Variants in VAV2 observed in about 807,000 individuals in gnomAD.
VAV2 encodes the protein guanine nucleotide exchange factor VAV2.
A neutral mutation model predicts 132.5 loss-of-function variants in VAV2; 67 were observed. The observed-to-expected ratio is 0.51, with a 90% CI of 0.42 to 0.62. The LOEUF is 0.62. Ranked by LOEUF, VAV2 falls within the 20% of genes least tolerant of loss-of-function variation. The probability of loss-of-function intolerance (pLI) is 0.00; values close to 1 mark genes in which losing one functional copy is unlikely to be tolerated. For missense variants in VAV2, 938 were observed against 1,153.6 expected, an observed-to-expected ratio of 0.81 and a Z score of 2.71; for synonymous variants, 492 against 443.5, an observed-to-expected ratio of 1.11 and a Z score of -1.37.
At chr9:133,982,211 G>A (rs1386048172) in intron 1 of VAV2, among the ~76,000 whole-genome samples, 1 of 152,210 alleles carries the variant, frequency 6.6e-6, no homozygotes, top group Admixed American at 6.5e-5. Flanking sequence ...ACAGGAAGGT[G>A]GCCAGTGTGC....
chr9:133,957,783 G>A (rs1841833418), intron 1 of VAV2, among the ~76,000 whole-genome samples: 1 of 152,180 alleles, frequency 6.6e-6, no homozygotes, highest in Non-Finnish European at 1.5e-5. Flanking sequence ...GGTGGAGTGT[G>A]GGGAAAAGCA....
At chr9:133,908,259 G>A (rs980015484) in intron 2 of VAV2, among the ~76,000 whole-genome samples, 4 of 152,116 alleles carry the variant, frequency 2.6e-5, no homozygotes, top group East Asian at 1.9e-4. Flanking sequence ...GGAGATGGGC[G>A]GAGATGGGGT....
intron 2 of VAV2, among the ~76,000 whole-genome samples, chr9:133,868,478 G>C (rs1437227966): frequency 6.6e-6 from 1 of 152,224 alleles, no homozygotes; most frequent in Non-Finnish European, 1.5e-5. Flanking sequence ...TACCCGTGTG[G>C]CTGTAGGTGA....
rs781331421 is a variant in VAV2, at chr9:133,834,553, T to C, written c.381-213A>G. 2.0e-5 allele frequency among the ~76,000 whole-genome samples: 3 copies of C among 152,226 alleles called. No individual in the cohort carries two copies. The South Asian group carries it at 6.2e-4, about 32-fold the overall frequency. ...AGGGCAAGAGGAGACCCATGCCTAC[T>C]TGCCAGGGGGCAAGGAATGTGTCAC... On this transcript the variant is annotated intron_variant, in intron 3 of 29. Transcript: ENST00000371850. The surrounding 1 kb of genome is among the most constrained non-coding windows in gnomAD (Gnocchi z 5.9).
intron 20 of VAV2, 183 bp from the exon 21 acceptor site, chr9:133,780,122 C>T (rs1833956591): frequency 7.1e-6 from 5 of 706,580 alleles, no homozygotes; most frequent in African/African-American, 1.8e-5. Context: ...ATATATTTCA[C>T]CTCTGTGCAC....
At chr9:133,809,161 A>G in intron 6 of VAV2, 23 bp from the exon 7 acceptor site, 1 of 1,609,462 alleles carries the variant, frequency 6.2e-7, no homozygotes, top group Non-Finnish European at 8.5e-7. Context: ...AGGGGGAGTC[A>G]GCAGGACCCC....
chr9:133,937,169 A>C (rs2519808), intron 2 of VAV2, among the ~76,000 whole-genome samples: 1 of 152,148 alleles, frequency 6.6e-6, no homozygotes, highest in Admixed American at 6.5e-5. Flanking sequence ...ATACCAGTTG[A>C]GTGTCTAAGT....
Position 133,935,648 on chromosome 9 carries a change from C to T in VAV2, c.321+3455G>A, listed in dbSNP as rs1462184087. On this transcript the variant is annotated intron_variant, in intron 2 of 29. Coordinates refer to ENST00000371850, the MANE Select transcript of VAV2 (RefSeq NM_001134398.2). This position sits in a 1 kb window ranked among gnomAD's most constrained non-coding sequence, Gnocchi z 5.2. ...CCAGGAGGCGCTGGCAGAGCAGAAC[C>T]GTCAGGCTCCAGACCGTGGTGAACG... Among the ~76,000 whole-genome samples, 2 of 152,200 alleles carry T rather than the reference C, an allele frequency of 1.3e-5. No individual in the cohort carries two copies. Among genetic ancestry groups the T allele is most frequent in the African/African-American group, 2.4e-5 (1 of 41,452 alleles).
At chr9:133,867,435 C>T (rs899273434) in intron 2 of VAV2, among the ~76,000 whole-genome samples, 3 of 152,220 alleles carry the variant, frequency 2.0e-5, no homozygotes, top group Admixed American at 1.3e-4. Flanking sequence ...GGGAAGGGTG[C>T]CACGTGCTCT....
Position 133,885,720 on chromosome 9 carries a change from GCC to G in VAV2, c.322-24290_322-24289del, listed in dbSNP as rs1268355095. On this transcript the variant is annotated intron_variant, in intron 2 of 29. Transcript: ENST00000371850. The surrounding 1 kb of genome is among the most constrained non-coding windows in gnomAD (Gnocchi z 5.0). ...TGGCCTCACCAGGTGATGCTCAGCT[GCC>G]CCAAGATGGAGGTGGGCACACGCTC... is the stretch of plus-strand genomic sequence containing the variant. 6.6e-6 allele frequency among the ~76,000 whole-genome samples: 1 copy of G among 152,162 alleles called. No individual in the cohort carries two copies. Among genetic ancestry groups the G allele is most frequent in the Non-Finnish European group, 1.5e-5 (1 of 68,036 alleles).
At chr9:133,845,923 G>A (rs940709045) in intron 3 of VAV2, among the ~76,000 whole-genome samples, 4 of 152,192 alleles carry the variant, frequency 2.6e-5, no homozygotes, top group African/African-American at 7.2e-5. Context: ...AGGACAGCCT[G>A]GTCAAGCTGC....
chr9:133,874,348 C>T (rs925435891), intron 2 of VAV2, among the ~76,000 whole-genome samples: 3 of 152,174 alleles, frequency 2.0e-5, no homozygotes, highest in African/African-American at 7.2e-5. Flanking sequence ...GCTGCTGTGG[C>T]TGCAGGAGCC....
rs574198416 is a variant in VAV2, at chr9:133,794,112, G to A, written c.1101+1556C>T. 1.1e-4 allele frequency among the ~76,000 whole-genome samples: 17 copies of A among 152,128 alleles called. No homozygotes were observed. The highest frequency in any genetic ancestry group is 4.2e-4 in the South Asian group (2 of 4,814). On this transcript the variant is annotated intron_variant, in intron 12 of 29. Transcript: ENST00000371850. This position sits in a 1 kb window ranked among gnomAD's most constrained non-coding sequence, Gnocchi z 4.6. ...ACACCGAGTGCTGAGAGTATGAAAC[G>A]CAAGACCACACTCAGGGCCCGGGTG...
At chr9:133,784,870 TGGCTG>T (rs1287947928) in intron 17 of VAV2, among the ~76,000 whole-genome samples, 1 of 152,078 alleles carries the variant, frequency 6.6e-6, no homozygotes, top group Non-Finnish European at 1.5e-5. Context: ...CGCTGTTGGA[TGGCTG>T]GGGTGGGGTG....
chr9:133,870,045 A>C (rs758551965), intron 2 of VAV2, among the ~76,000 whole-genome samples: 2 of 152,084 alleles, frequency 1.3e-5, no homozygotes, highest in Non-Finnish European at 2.9e-5. Flanking sequence ...GGACAGAAAA[A>C]TTTGGGGTAC....
chr9:133,838,969 T>G (rs1588249876), intron 3 of VAV2, among the ~76,000 whole-genome samples: 9 of 84,216 alleles, frequency 1.1e-4, no homozygotes, highest in East Asian at 3.6e-4. Flanking sequence ...GGTGGGTGGG[T>G]GGATGGATGG....
rs965496173 is a variant in VAV2, at chr9:133,935,138, G to A, written c.321+3965C>T. The stretch of plus-strand genomic sequence containing the variant: ...GCAGGCCAAGGGTGGGAGGAACAGG[G>A]GGAGGGCACGCAGCCATATCTTCAT... On this transcript the variant is annotated intron_variant, in intron 2 of 29. Transcript: ENST00000371850. The surrounding 1 kb of genome is among the most constrained non-coding windows in gnomAD (Gnocchi z 5.2). Among the ~76,000 whole-genome samples, 4 of 152,270 alleles carry A rather than the reference G, an allele frequency of 2.6e-5. No individual in the cohort carries two copies. The highest frequency in any genetic ancestry group is 6.5e-5 in the Admixed American group (1 of 15,298).
At chr9:133,808,646 G>A (rs1835245060) in intron 7 of VAV2, among the ~76,000 whole-genome samples, 1 of 152,230 alleles carries the variant, frequency 6.6e-6, no homozygotes, top group Non-Finnish European at 1.5e-5. Flanking sequence ...GCCCCCCATG[G>A]AAGCTTTGTT....
intron 1 of VAV2, among the ~76,000 whole-genome samples, chr9:133,950,697 C>T (rs1474086139): frequency 2.0e-5 from 3 of 152,214 alleles, no homozygotes; most frequent in African/African-American, 7.2e-5. Context: ...GAGCAATTAG[C>T]CCAGACGCAC....
Sources: gnomAD v4.1 joint callset for allele counts (sites outside exome capture counted in the v4.1 genomes callset) on GRCh38, gnomAD v4.1.1 for gene constraint, Gnocchi (gnomAD v3.1) non-coding constraint, MANE v1.5 for transcripts, NCBI Gene and HGNC (gene_info 2026-07-23, HGNC 2026-07-21) for gene names.